MMS19: variants seen among roughly 807,000 people sequenced by gnomAD.
MMS19 encodes the protein MMS19 cytosolic iron-sulfur assembly component.
A neutral mutation model predicts 129.8 loss-of-function variants in MMS19; 77 were observed. That is an observed-to-expected ratio of 0.59 (90% confidence interval 0.49 to 0.72). MMS19 has a LOEUF of 0.72. MMS19 is among the 30% of genes least tolerant of loss of function. The probability of loss-of-function intolerance (pLI) is 0.00; values close to 1 mark genes in which losing one functional copy is unlikely to be tolerated. For synonymous variants in MMS19, 491 were observed against 502.8 expected (o/e 0.98, Z 0.31); for missense variants, 1,168 against 1,266.3 (o/e 0.92, Z 1.18).
rs371013896 is a variant in MMS19 at position 97,458,739 on chromosome 10, T to C, written c.3066-20A>G. 4 of 1,612,342 alleles carry C rather than the reference T, an allele frequency of 2.5e-6. No homozygotes were observed. Among genetic ancestry groups the C allele is most frequent in the African/African-American group, 2.7e-5 (2 of 74,882 alleles). ...AGAAACCTGTAGGCAAAAAGAAAGT[T>C]GGCAGCATTAGTGATGAGGCTCATC... On this transcript the variant is annotated intron_variant, in intron 30 of 30. Transcript: ENST00000438925.
At chr10:97,469,187 G>A in intron 11 of MMS19, 83 bp from the exon 12 acceptor site, 3 of 1,481,108 alleles carry the variant, frequency 2.0e-6, no homozygotes, top group Non-Finnish European at 2.7e-6. Context: ...TTCCTTGTTG[G>A]AGAGGGGAGT....
Position 97,465,872 on chromosome 10 carries a change from T to C in MMS19, c.1689A>G (p.Ser563=), listed in dbSNP as rs1251271760. Reference sequence around the variant, plus strand: ...TCTCCTTGACGATGCTGGGATGTGTTGATACAGCTGACAAGGCTTGCAGAC... The same window carrying C: ...TCTCCTTGACGATGCTGGGATGTGTCGATACAGCTGACAAGGCTTGCAGAC... The part of the protein sequence containing the change: ...LCCLQALSAV[S]THPSIVKETL... Residue 563 remains serine (S), a synonymous_variant, in exon 18 of 31, where the codon TCA becomes TCG. Coordinates refer to ENST00000438925, the MANE Select transcript of MMS19 (RefSeq NM_022362.5). 2 of 1,613,864 alleles carry C rather than the reference T, an allele frequency of 1.2e-6. No homozygotes were observed. Among genetic ancestry groups the C allele is most frequent in the African/African-American group, 2.7e-5 (2 of 74,922 alleles).
In MMS19 at chr10:97,463,934, G is replaced by A; in HGVS notation, c.1836C>T (p.Asp612=). 1 of 1,612,946 alleles carries A rather than the reference G, an allele frequency of 6.2e-7. No individual in the cohort carries two copies. Among genetic ancestry groups the A allele is most frequent in the Non-Finnish European group, 8.5e-7 (1 of 1,179,426 alleles). ...GGTGGAAATACCAGCAACTCTCAGG[G>A]TCCTGCTGACATTTTTCTGCCATCT... ...LRQMAEKCQQ[D]PESCWYFHQT... is the part of the protein sequence containing the mutation. The change falls in exon 19 of 31, where the codon GAC becomes GAT. Residue 612 remains aspartate (D), a synonymous_variant. Transcript: ENST00000438925.
At chr10:97,496,747 C>G (rs2039869073) in intron 1 of MMS19, among the ~76,000 whole-genome samples, 1 of 152,128 alleles carries the variant, frequency 6.6e-6, no homozygotes, top group African/African-American at 2.4e-5. Context: ...TAGTCAAAAT[C>G]AGTGAACGTA....
chr10:97,478,306 G>T lies in MMS19; in HGVS notation c.346C>A (p.Leu116Ile). 1 of 1,594,324 alleles carries T rather than the reference G, an allele frequency of 6.3e-7. No individual in the cohort carries two copies. Among genetic ancestry groups the T allele is most frequent in the Non-Finnish European group, 8.5e-7 (1 of 1,170,164 alleles). Residue 116 changes from leucine to isoleucine, a missense_variant and splice_region_variant, in exon 4 of 31, where the codon CTT (leucine) becomes ATT (isoleucine). This residue lies in a region of MMS19 where 329 missense variants were observed against 328.6 expected (regional missense o/e 1.00). Transcript: ENST00000438925. ...TAATGAAATGAAGGAAAACTCACAA[G>T]TGCCTTCAAACCCTGCAGGACAGAT... ...IPSVLQGLKALSLCVALPPGL... is the reference protein window; with the variant it reads ...IPSVLQGLKAISLCVALPPGL...
intron 8 of MMS19, among the ~76,000 whole-genome samples, chr10:97,471,368 C>T (rs1372627594): frequency 6.6e-6 from 1 of 151,736 alleles, no homozygotes; most frequent in Non-Finnish European, 1.5e-5. Context: ...TTTTTTTCAC[C>T]CTTATAAAAA....
intron 1 of MMS19, among the ~76,000 whole-genome samples, chr10:97,489,505 A>G (rs1006214152): frequency 1.3e-5 from 2 of 152,248 alleles, no homozygotes; most frequent in African/African-American, 4.8e-5. Context: ...AACGTCTTAC[A>G]TGGCACACAT....
intron 1 of MMS19, among the ~76,000 whole-genome samples, chr10:97,484,849 C>T (rs2037533928): frequency 6.6e-6 from 1 of 152,082 alleles, no homozygotes; most frequent in South Asian, 2.1e-4. Flanking sequence ...CCCTGGAGTG[C>T]AGTGGTATAA....
chr10:97,493,006 C>T (rs1233029731), intron 1 of MMS19, among the ~76,000 whole-genome samples: 1 of 151,770 alleles, frequency 6.6e-6, no homozygotes, highest in Non-Finnish European at 1.5e-5. Flanking sequence ...GAAAGACAAA[C>T]ATTCATTCAT....
At position 97,459,469 on chromosome 10, in the gene MMS19, T is replaced by C; in HGVS notation, c.2797A>G (p.Thr933Ala). The change falls in exon 28 of 31, where the codon ACC becomes GCC. Residue 933 changes from threonine to alanine, a missense_variant. By Grantham distance (58) the Thr-to-Ala change is moderately conservative. This residue lies in a region of MMS19 where 831 missense variants were observed against 910.8 expected (regional missense o/e 0.91). Transcript: ENST00000438925. ...SCPDCVVQLS[T>A]LSCLQPLLLE... ...AGAAGAGGCTGAAGGCAGCTGAGGG[T>C]GGAGAGCTGCACCACACAGTCAGGG... 1.9e-6 allele frequency: 3 copies of C among 1,612,278 alleles called. No individual in the cohort carries two copies. The highest frequency in any genetic ancestry group is 2.5e-6 in the Non-Finnish European group (3 of 1,179,262).
intron 9 of MMS19, 137 bp from the exon 10 acceptor site, chr10:97,470,340 G>C: frequency 1.5e-6 from 1 of 675,858 alleles, no homozygotes; most frequent in Non-Finnish European, 2.6e-6. Context: ...AGCTATGAAT[G>C]TAAGCTAACC....
At chr10:97,487,404 C>T (rs867322780) in intron 1 of MMS19, among the ~76,000 whole-genome samples, 1 of 150,896 alleles carries the variant, frequency 6.6e-6, no homozygotes, top group African/African-American at 2.4e-5. Flanking sequence ...CTGCAAGCTC[C>T]GCCTCCCGGG....
chr10:97,485,088 A>G (rs964519965), intron 1 of MMS19, among the ~76,000 whole-genome samples: 1 of 151,954 alleles, frequency 6.6e-6, no homozygotes, highest in African/African-American at 2.4e-5. Context: ...ACATAAACTT[A>G]ATAAAAAATG....
At position 97,466,177 on chromosome 10, in the gene MMS19, A is replaced by G; in HGVS notation, c.1506-18T>C. Reference sequence around the variant, plus strand: ...CCACCCTGCTGGAGGCGCAGAGCAGATAAGCATTGGCTGAGCCTGGGCTCA... The same window carrying G: ...CCACCCTGCTGGAGGCGCAGAGCAGGTAAGCATTGGCTGAGCCTGGGCTCA... On this transcript the variant is annotated intron_variant, in intron 16 of 30. Coordinates refer to ENST00000438925, the MANE Select transcript of MMS19 (RefSeq NM_022362.5). The G allele has an allele frequency of 1.3e-6, 2 of 1,550,408 alleles. No homozygotes were observed. The highest frequency in any genetic ancestry group is 1.7e-6 in the Non-Finnish European group (2 of 1,144,472).
chr10:97,469,551 G>T, intron 11 of MMS19, 95 bp downstream of exon 11: 1 of 1,009,230 alleles, frequency 9.9e-7, no homozygotes. Context: ...TCTTGGCCCT[G>T]GGGATGACAG....
chr10:97,496,900 G>A (rs1243519235), intron 1 of MMS19, among the ~76,000 whole-genome samples: 1 of 152,172 alleles, frequency 6.6e-6, no homozygotes, highest in East Asian at 1.9e-4. Flanking sequence ...GATAAAGCAA[G>A]TAATATTAAA....
intron 2 of MMS19, among the ~76,000 whole-genome samples, chr10:97,482,874 C>T (rs2037122988): frequency 6.6e-6 from 1 of 152,040 alleles, no homozygotes; most frequent in South Asian, 2.1e-4. Flanking sequence ...CATCCTCCTA[C>T]CTCAGCCTCC....
intron 1 of MMS19, 26 bp from the exon 2 acceptor site, chr10:97,484,177 T>C (rs2037393271): frequency 2.1e-6 from 3 of 1,418,412 alleles, no homozygotes; most frequent in Non-Finnish European, 2.8e-6. Context: ...TAAATAAATA[T>C]GAAAAATAAA....
chr10:97,474,900 C>T (rs995437444), intron 8 of MMS19, among the ~76,000 whole-genome samples: 1 of 152,174 alleles, frequency 6.6e-6, no homozygotes, highest in African/African-American at 2.4e-5. Context: ...GAATCATGCT[C>T]ATTGTATAAC....
Sources: gnomAD v4.1 joint callset for allele counts (sites outside exome capture counted in the v4.1 genomes callset) on GRCh38, gnomAD v4.1.1 for gene constraint, gnomAD v4.1.1 regional missense constraint, MANE v1.5 for transcripts, NCBI Gene and HGNC (gene_info 2026-07-23, HGNC 2026-07-21) for gene names.